The following ADAMTS16 variants were observed in gnomAD, a reference collection of about 807,000 sequenced individuals.
ADAMTS16 encodes the protein ADAM metallopeptidase with thrombospondin type 1 motif 16, also known as A disintegrin and metalloproteinase with thrombospondin motifs 16.
ADAMTS16 carries 94 observed loss-of-function variants against 145.8 expected under a neutral mutation model. The observed-to-expected ratio is 0.64, with a 90% CI of 0.55 to 0.77. The LOEUF is 0.77. Ranked by LOEUF, ADAMTS16 falls within the 30% of genes least tolerant of loss-of-function variation. ADAMTS16 has a pLI of 0.00. For missense variants in ADAMTS16, 1,585 were observed against 1,591.5 expected (o/e 1.00, Z 0.07); for synonymous variants, 659 against 604.3 (o/e 1.09, Z -1.33).
intron 18 of ADAMTS16, among the ~76,000 whole-genome samples, chr5:5,282,562 C>T (rs1459434563): frequency 6.6e-6 from 1 of 152,208 alleles, no homozygotes; most frequent in Admixed American, 6.5e-5. Flanking sequence ...CTGGCTTCTC[C>T]TCCCCACTGT....
chr5:5,145,836 C>A (rs1342862349), intron 2 of ADAMTS16, among the ~76,000 whole-genome samples: 1 of 152,142 alleles, frequency 6.6e-6, no homozygotes, highest in South Asian at 2.1e-4. Context: ...GAGGAGCATG[C>A]CCCTGAGTGG....
intron 11 of ADAMTS16, among the ~76,000 whole-genome samples, chr5:5,227,319 C>T (rs1399157676): frequency 6.6e-6 from 1 of 152,228 alleles, no homozygotes; most frequent in Non-Finnish European, 1.5e-5. Flanking sequence ...GCATCTTACT[C>T]TCTAAGATAA....
At chr5:5,263,349 G>A (rs935201824) in intron 18 of ADAMTS16, among the ~76,000 whole-genome samples, 4 of 152,246 alleles carry the variant, frequency 2.6e-5, no homozygotes, top group South Asian at 2.1e-4. Flanking sequence ...CCTTGAGGCA[G>A]CCATGGTCCT....
At chr5:5,170,087 A>C (rs140362509) in intron 3 of ADAMTS16, among the ~76,000 whole-genome samples, 1 of 152,124 alleles carries the variant, frequency 6.6e-6, no homozygotes, top group Non-Finnish European at 1.5e-5. Flanking sequence ...GCTGAATCCT[A>C]TGGTAGCTCT....
chr5:5,206,408 A>T (rs1736117426), intron 9 of ADAMTS16, among the ~76,000 whole-genome samples: 1 of 84,618 alleles, frequency 1.2e-5, no homozygotes. Context: ...CCTGGGCGAC[A>T]GAGCGAGACT....
chr5:5,286,968 A>G (rs1372227745), intron 18 of ADAMTS16, among the ~76,000 whole-genome samples: 1 of 152,006 alleles, frequency 6.6e-6, no homozygotes, highest in East Asian at 1.9e-4. Context: ...CCTAAGACTT[A>G]GTAAGAAAAT....
At chr5:5,141,076 G>A (rs1470818044) in intron 2 of ADAMTS16, among the ~76,000 whole-genome samples, 2 of 152,264 alleles carry the variant, frequency 1.3e-5, no homozygotes, top group African/African-American at 2.4e-5. Context: ...ATTAATGTAT[G>A]CATCAAAGCC....
At chr5:5,256,633 T>C (rs1737792775) in intron 17 of ADAMTS16, among the ~76,000 whole-genome samples, 1 of 152,200 alleles carries the variant, frequency 6.6e-6, no homozygotes, top group Non-Finnish European at 1.5e-5. Flanking sequence ...AGGACATTAA[T>C]AAAGCCAACT....
intron 17 of ADAMTS16, among the ~76,000 whole-genome samples, chr5:5,252,250 A>G (rs1320812078): frequency 6.6e-6 from 1 of 152,194 alleles, no homozygotes; most frequent in African/African-American, 2.4e-5. Flanking sequence ...CATCCTGTGC[A>G]AAGGACACTC....
intron 17 of ADAMTS16, among the ~76,000 whole-genome samples, chr5:5,245,186 T>C (rs530969597): frequency 6.6e-6 from 1 of 152,346 alleles, no homozygotes; most frequent in South Asian, 2.1e-4. Context: ...TATTAAATGC[T>C]TCATTAGGTG....
At chr5:5,195,444 G>C (rs12522919) in intron 8 of ADAMTS16, among the ~76,000 whole-genome samples, 24,256 of 152,120 alleles carry the variant, frequency 0.16, 2,126 homozygotes, top group African/African-American at 0.22. Flanking sequence ...TCAGATTCCA[G>C]ATCAGCACAG....
intron 11 of ADAMTS16, among the ~76,000 whole-genome samples, chr5:5,227,505 CTG>C (rs55875918): frequency 0.18 from 26,301 of 147,948 alleles, 2,535 homozygotes; most frequent in Middle Eastern, 0.27. Context: ...AGATCTAATA[CTG>C]TGTGTGTGTG....
At chr5:5,175,636 A>G (rs1285618048) in intron 3 of ADAMTS16, among the ~76,000 whole-genome samples, 1 of 152,176 alleles carries the variant, frequency 6.6e-6, no homozygotes, top group Non-Finnish European at 1.5e-5. Context: ...AGAACCTCAG[A>G]GCACTTTCAC....
At chr5:5,140,600 C>G (rs72647738) in intron 1 of ADAMTS16, 61 bp downstream of exon 1, 164,434 of 1,516,578 alleles carry the variant, frequency 0.11, 9,440 homozygotes, top group Middle Eastern at 0.15. Context: ...GGAGGCGAGT[C>G]CCCCGCGGCT....
intron 3 of ADAMTS16, among the ~76,000 whole-genome samples, chr5:5,167,606 T>G (rs760739554): frequency 6.6e-6 from 1 of 152,148 alleles, no homozygotes; most frequent in Non-Finnish European, 1.5e-5. Flanking sequence ...CGCTAGTGAG[T>G]GTGATTTCTA....
intron 10 of ADAMTS16, among the ~76,000 whole-genome samples, chr5:5,220,086 A>G (rs1205264370): frequency 5.9e-5 from 9 of 152,120 alleles, no homozygotes; most frequent in African/African-American, 2.4e-5. Context: ...GTGCCCAGAA[A>G]GCATTTATTG....
At position 5,235,101 on chromosome 5, in the gene ADAMTS16, C is replaced by T. The variant is rs770359292; in HGVS notation, c.1938C>T (p.Asp646=). 9 of 1,607,490 alleles carry T rather than the reference C, an allele frequency of 5.6e-6. No homozygotes were observed. In the Admixed American group the frequency reaches 1.3e-4, roughly 24 times the overall value. ...NSQKCPRDSV[D]FRAAQCAEHN... Reference sequence around the variant, plus strand: ...AGAAATGTCCCCGGGACAGTGTTGACTTCCGTGCTGCTCAGTGTGCCGAGC... The same window carrying T: ...AGAAATGTCCCCGGGACAGTGTTGATTTCCGTGCTGCTCAGTGTGCCGAGC... The change falls in exon 13 of 23, where the codon GAC becomes GAT. Residue 646 remains aspartate (D), a synonymous_variant. Coordinates refer to ENST00000274181, the MANE Select transcript of ADAMTS16 (RefSeq NM_139056.4).
intron 18 of ADAMTS16, among the ~76,000 whole-genome samples, chr5:5,265,980 A>G (rs995011016): frequency 7.5e-6 from 1 of 133,390 alleles, no homozygotes; most frequent in Non-Finnish European, 1.6e-5. Context: ...AATTAGACTT[A>G]AAGAAGTGTG....
rs369924372 is a variant in ADAMTS16, at chr5:5,229,284, G to A, written c.1702-3084G>A. Among the ~76,000 whole-genome samples the A allele has an allele frequency of 1.3e-4, 15 of 119,314 alleles. No homozygotes were observed. In the East Asian group the frequency reaches 3.2e-3, roughly 25 times the overall value. 78.3% of individuals were successfully genotyped at this position (119,314 alleles called of 152,430 possible). A position where few individuals can be genotyped will look rare whatever the true frequency, so the allele number is the denominator to read the frequency against. ...CTGCAGTCCGCAGTCCGGCCTGGGC[G>A]ACAGAGCGAGACTCCGTCTCAAAAA... On this transcript the variant is annotated intron_variant, in intron 11 of 22. Coordinates refer to ENST00000274181, the MANE Select transcript of ADAMTS16 (RefSeq NM_139056.4).
Sources: gnomAD v4.1 joint callset for allele counts (sites outside exome capture counted in the v4.1 genomes callset) on GRCh38, gnomAD v4.1.1 for gene constraint, MANE v1.5 for transcripts, NCBI Gene and HGNC (gene_info 2026-07-23, HGNC 2026-07-21) for gene names.